The following MAP3K5 variants were observed in gnomAD, a reference collection of about 807,000 sequenced individuals.
The protein encoded by MAP3K5 is ASK-1.
MAP3K5 carries 56 observed loss-of-function variants against 158.7 expected under a neutral mutation model. The ratio of observed to expected loss-of-function variants is 0.35; its 90% CI spans 0.28 to 0.44. The LOEUF (loss-of-function observed/expected upper bound fraction) is 0.44, where lower values mean the gene tolerates loss of function less well. Ranked by LOEUF, MAP3K5 falls within the 20% of genes least tolerant of loss-of-function variation. The pLI is 1.00. For synonymous variants in MAP3K5, 579 were observed against 601.7 expected (o/e 0.96, Z 0.55); for missense variants, 1,294 against 1,674.8 (o/e 0.77, Z 3.97).
chr6:136,656,351 G>A lies in MAP3K5; in HGVS notation c.1636C>T (p.Leu546=). The A allele has an allele frequency of 6.2e-7, 1 of 1,614,026 alleles. No homozygotes were observed. The highest frequency in any genetic ancestry group is 1.1e-5 in the South Asian group (1 of 91,084). The change falls in exon 10 of 30, where the codon CTG becomes TTG. Residue 546 remains leucine (L), a synonymous_variant. Coordinates refer to ENST00000359015, the MANE Select transcript of MAP3K5 (RefSeq NM_005923.4). ...QELVDFWMDF[L]VEATKTDVTV... is the part of the protein sequence containing the mutation. ...ACATCTGTCTTTGTGGCCTCGACCA[G>A]GAAATCCATCCAAAAGTCCACAAGT...
intron 11 of MAP3K5, 82 bp downstream of exon 11, chr6:136,650,902 C>T (rs1778490642): frequency 1.3e-6 from 1 of 752,164 alleles, no homozygotes; most frequent in African/African-American, 1.8e-5. Flanking sequence ...CTAACACAGA[C>T]ATTTGCTGGA....
chr6:136,569,573 C>A (rs189407438), intron 25 of MAP3K5, among the ~76,000 whole-genome samples: 2 of 152,300 alleles, frequency 1.3e-5, no homozygotes, highest in East Asian at 3.9e-4. Flanking sequence ...ACCTCCCAAT[C>A]CCTGCCAGAT....
chr6:136,784,299 T>C (rs1370330476), intron 1 of MAP3K5, among the ~76,000 whole-genome samples: 1 of 152,218 alleles, frequency 6.6e-6, no homozygotes, highest in East Asian at 1.9e-4. Context: ...CTCTAAAAAC[T>C]AATTTTGTGC....
chr6:136,772,244 G>T (rs72983528), intron 1 of MAP3K5, among the ~76,000 whole-genome samples: 2,043 of 151,760 alleles, frequency 0.013, 16 homozygotes, highest in Non-Finnish European at 0.019. Flanking sequence ...TTGAGGGGGG[G>T]GGAGACCTTA....
At chr6:136,562,662 C>T in intron 26 of MAP3K5, 47 bp from the exon 27 acceptor site, 3 of 991,760 alleles carry the variant, frequency 3.0e-6, no homozygotes, top group Non-Finnish European at 3.0e-6. Context: ...CACAGGGTGA[C>T]CTTCTTTTTT....
In MAP3K5 at chr6:136,580,407, C is replaced by T. The variant is rs1408405027; in HGVS notation, c.3412-1G>A. 6.3e-7 allele frequency: 1 copy of T among 1,595,538 alleles called. No individual in the cohort carries two copies. The highest frequency in any genetic ancestry group is 1.7e-5 in the Admixed American group (1 of 59,958). On this transcript the variant is annotated splice_acceptor_variant, in intron 24 of 29. Coordinates refer to ENST00000359015, the MANE Select transcript of MAP3K5 (RefSeq NM_005923.4). LOFTEE classifies it high-confidence loss of function. ...TATGATTCCGAAGAACTTTATTGAC[C>T]TGGAGAGAGAGTGACATTTAGCCTA...
At chr6:136,695,486 A>G (rs1780566232) in intron 6 of MAP3K5, among the ~76,000 whole-genome samples, 1 of 152,204 alleles carries the variant, frequency 6.6e-6, no homozygotes, top group Non-Finnish European at 1.5e-5. Flanking sequence ...TATCATTTCT[A>G]TTCTCAATTA....
chr6:136,613,766 A>C lies in MAP3K5; in HGVS notation c.2278+393T>G, dbSNP rs1392152277. 1.3e-5 allele frequency among the ~76,000 whole-genome samples: 2 copies of C among 152,124 alleles called. No individual in the cohort carries two copies. Among genetic ancestry groups the C allele is most frequent in the Non-Finnish European group, 2.9e-5 (2 of 68,030 alleles). On this transcript the variant is annotated intron_variant, in intron 16 of 29. Transcript: ENST00000359015. The surrounding 1 kb of genome is among the most constrained non-coding windows in gnomAD (Gnocchi z 4.0). ...AGACCATTACCCCTCCTTATGGAAC[A>C]TTAAAATAATGTGCCTTGGAATACA...
chr6:136,771,849 G>A (rs1173959559), intron 1 of MAP3K5, among the ~76,000 whole-genome samples: 6 of 152,082 alleles, frequency 3.9e-5, no homozygotes, highest in African/African-American at 7.2e-5. Flanking sequence ...GAAAATCCAT[G>A]TTTCCAACCT....
At chr6:136,783,603 T>G (rs1784712066) in intron 1 of MAP3K5, among the ~76,000 whole-genome samples, 1 of 152,182 alleles carries the variant, frequency 6.6e-6, no homozygotes, top group Non-Finnish European at 1.5e-5. Context: ...ACTCTCATCT[T>G]GCCCCAGGTG....
At chr6:136,721,570 A>C (rs759625266) in intron 1 of MAP3K5, among the ~76,000 whole-genome samples, 1 of 152,240 alleles carries the variant, frequency 6.6e-6, no homozygotes, top group Non-Finnish European at 1.5e-5. Context: ...ATATGAAAGA[A>C]AAACTAACAA....
Position 136,792,202 on chromosome 6 carries a change from C to T in MAP3K5, c.-45G>A. On this transcript the variant is annotated 5_prime_UTR_variant, in exon 1 of 30. Coordinates refer to ENST00000359015, the MANE Select transcript of MAP3K5 (RefSeq NM_005923.4). The surrounding 1 kb of genome is among the most constrained non-coding windows in gnomAD (Gnocchi z 5.7). ...ACGGCGGCGGCGTCCCCCGCCCAGC[C>T]GCACCGCCTGGCCAGCCACAGCTCG... is the stretch of plus-strand genomic sequence containing the variant. The T allele has an allele frequency of 6.6e-7, 1 of 1,518,858 alleles. No homozygotes were observed. Among genetic ancestry groups the T allele is most frequent in the Non-Finnish European group, 8.8e-7 (1 of 1,137,712 alleles). The allele number at this position is 1,518,858 out of a possible 1,614,324, so 94.1% of individuals were successfully genotyped here.
rs768625947 is a variant in MAP3K5 at position 136,732,825 on chromosome 6, C to T, written c.449-12236G>A. On this transcript the variant is annotated intron_variant, in intron 1 of 29. Transcript: ENST00000359015. The stretch of plus-strand genomic sequence containing the variant: ...CATTTTTTGAACTCTTATCTGCCTA[C>T]AATAGAGGTAAAGGAAAATATGAAA... 1.6e-3 allele frequency among the ~76,000 whole-genome samples: 248 copies of T among 152,226 alleles called. 2 individuals are homozygous for T. Among genetic ancestry groups the T allele is most frequent in the Admixed American group, 2.1e-3 (32 of 15,302 alleles).
intron 23 of MAP3K5, among the ~76,000 whole-genome samples, chr6:136,585,461 T>TC (rs1215143066): frequency 7.8e-6 from 1 of 127,882 alleles, no homozygotes; most frequent in Admixed American, 8.7e-5. Context: ...ATTGCTTCCT[T>TC]TCTTTTCTTT....
chr6:136,757,282 G>A (rs1219749686), intron 1 of MAP3K5, among the ~76,000 whole-genome samples: 1 of 152,114 alleles, frequency 6.6e-6, no homozygotes, highest in Admixed American at 6.5e-5. Context: ...GAAAGATTGT[G>A]GTATTCCTTA....
intron 27 of MAP3K5, 77 bp downstream of exon 27, chr6:136,562,426 A>G: frequency 1.5e-6 from 1 of 651,832 alleles, no homozygotes; most frequent in South Asian, 2.8e-5. Context: ...GCCACAAATA[A>G]AACTTCCTGT....
chr6:136,733,030 T>C (rs929750050), intron 1 of MAP3K5, among the ~76,000 whole-genome samples: 1 of 152,176 alleles, frequency 6.6e-6, no homozygotes, highest in African/African-American at 2.4e-5. Flanking sequence ...GACAGGGTCT[T>C]GCTCTGTTAC....
At chr6:136,692,977 T>C (rs1780452681) in intron 7 of MAP3K5, among the ~76,000 whole-genome samples, 1 of 152,138 alleles carries the variant, frequency 6.6e-6, no homozygotes, top group African/African-American at 2.4e-5. Flanking sequence ...AAAGAAATCT[T>C]TGCTTATCCA....
chr6:136,600,596 T>C (rs921640008), intron 21 of MAP3K5, among the ~76,000 whole-genome samples: 1 of 152,150 alleles, frequency 6.6e-6, no homozygotes, highest in African/African-American at 2.4e-5. Context: ...AAGCCAACGT[T>C]AGAAAACAAA....
Sources: gnomAD v4.1 joint callset for allele counts (sites outside exome capture counted in the v4.1 genomes callset) on GRCh38, gnomAD v4.1.1 for gene constraint, Gnocchi (gnomAD v3.1) non-coding constraint, MANE v1.5 for transcripts, NCBI Gene and HGNC (gene_info 2026-07-23, HGNC 2026-07-21) for gene names.